Variants in E2F3 observed in about 807,000 individuals in gnomAD.
E2F3 encodes E2F transcription factor 3.
Under a neutral mutation model 44.4 loss-of-function variants are expected in E2F3, and 11 were observed. The observed-to-expected ratio is 0.25, with a 90% CI of 0.16 to 0.41. The LOEUF is 0.41. Ranked by LOEUF, E2F3 falls within the 10% of genes least tolerant of loss-of-function variation. E2F3 has a pLI of 1.00. For missense variants in E2F3, 487 were observed against 583.6 expected, an observed-to-expected ratio of 0.83 and a Z score of 1.70; for synonymous variants, 249 against 253.0, an observed-to-expected ratio of 0.98 and a Z score of 0.15.
intron 1 of E2F3, among the ~76,000 whole-genome samples, chr6:20,451,940 T>G (rs1761144915): frequency 6.6e-6 from 1 of 152,206 alleles, no homozygotes; most frequent in African/African-American, 2.4e-5. Flanking sequence ...CTTTTTGATG[T>G]GCTAGTGGGT....
chr6:20,437,011 T>C (rs993122079), intron 1 of E2F3, among the ~76,000 whole-genome samples: 2 of 151,988 alleles, frequency 1.3e-5, no homozygotes, highest in Non-Finnish European at 2.9e-5. Context: ...TCCCAGCTAT[T>C]TGGGAGGCTG....
chr6:20,464,061 G>A (rs915296549), intron 1 of E2F3, among the ~76,000 whole-genome samples: 1 of 152,216 alleles, frequency 6.6e-6, no homozygotes, highest in African/African-American at 2.4e-5. Flanking sequence ...TATGGGGGCA[G>A]GAGTGTGGAG....
chr6:20,441,209 T>C (rs1234200826), intron 1 of E2F3, among the ~76,000 whole-genome samples: 2 of 152,218 alleles, frequency 1.3e-5, no homozygotes, highest in African/African-American at 4.8e-5. Flanking sequence ...TTTCTGTCTG[T>C]ATGAACTTGA....
At chr6:20,413,389 C>G (rs1054413553) in intron 1 of E2F3, among the ~76,000 whole-genome samples, 7 of 152,176 alleles carry the variant, frequency 4.6e-5, no homozygotes, top group African/African-American at 1.7e-4. Context: ...CAGGAGCCTT[C>G]TGCCACATCC....
At chr6:20,489,464 G>A (rs756295430) in intron 6 of E2F3, among the ~76,000 whole-genome samples, 2 of 151,566 alleles carry the variant, frequency 1.3e-5, no homozygotes, top group South Asian at 2.1e-4. Flanking sequence ...ATAGCAAGAC[G>A]CCGTCTCTTA....
chr6:20,412,986 C>A (rs1014228928), intron 1 of E2F3, among the ~76,000 whole-genome samples: 1 of 152,186 alleles, frequency 6.6e-6, no homozygotes, highest in Non-Finnish European at 1.5e-5. Context: ...ACATAACAAC[C>A]TATGAAGTGG....
chr6:20,421,888 G>A (rs1186762994), intron 1 of E2F3: 2 of 152,244 alleles, frequency 1.3e-5, no homozygotes, highest in African/African-American at 2.4e-5. Flanking sequence ...CGCGCTCGGC[G>A]ATCTAGCATA....
rs539567274 is a variant in E2F3, at chr6:20,463,702, A to T, written c.394-16144A>T. On this transcript the variant is annotated intron_variant, in intron 1 of 6. Transcript: ENST00000346618. ...CTTCTGACACCAGATGTGCTGAGTC[A>T]GGGGGTACTTTCCCTAGACATCAAG... is the stretch of plus-strand genomic sequence containing the variant. 2.6e-5 allele frequency among the ~76,000 whole-genome samples: 4 copies of T among 152,312 alleles called. No individual in the cohort carries two copies. The South Asian group carries it at 8.3e-4, about 32-fold the overall frequency.
At chr6:20,434,501 A>G (rs905521439) in intron 1 of E2F3, among the ~76,000 whole-genome samples, 1 of 152,212 alleles carries the variant, frequency 6.6e-6, no homozygotes, top group Non-Finnish European at 1.5e-5. Flanking sequence ...AATACATCTC[A>G]GTTTCTTTTC....
intron 1 of E2F3, chr6:20,403,846 A>T: frequency 6.8e-7 from 1 of 1,465,982 alleles, no homozygotes. Flanking sequence ...AGTGACCGGG[A>T]CGGCTCGGGG....
intron 1 of E2F3, among the ~76,000 whole-genome samples, chr6:20,459,464 G>GTTTAAAAAGTATA: frequency 6.6e-6 from 1 of 152,232 alleles, no homozygotes; most frequent in East Asian, 1.9e-4. Context: ...ACTATATTAT[G>GTTTAAAAAGTATA]TTTAAAAAGT....
Position 20,481,300 on chromosome 6 carries a change from G to A in E2F3, c.600G>A (p.Gly200=). 2 of 1,614,018 alleles carry A rather than the reference G, an allele frequency of 1.2e-6. No homozygotes were observed. The highest frequency in any genetic ancestry group is 1.7e-6 in the Non-Finnish European group (2 of 1,179,996). ...AGCTCCTGAGCCAGTCACCCGATGG[G>A]GTATTGGATTTGAACAAGGCAGCAG... ...FIQLLSQSPD[G]VLDLNKAAEV... Residue 200 remains glycine, a synonymous_variant, in exon 3 of 7, where the codon GGG becomes GGA. Coordinates refer to ENST00000346618, the MANE Select transcript of E2F3 (RefSeq NM_001949.5).
At position 20,481,443 on chromosome 6, in the gene E2F3, C is replaced by G; in HGVS notation, c.725+18C>G. The stretch of plus-strand genomic sequence containing the variant: ...CAATGGATGTGAGTAGGAGTCCTCC[C>G]CATGCCCCGGCTCTGAGGGGGTCGT... On this transcript the variant is annotated intron_variant, in intron 3 of 6. Coordinates refer to ENST00000346618, the MANE Select transcript of E2F3 (RefSeq NM_001949.5). The G allele has an allele frequency of 6.2e-7, 1 of 1,611,868 alleles. No individual in the cohort carries two copies. The highest frequency in any genetic ancestry group is 1.1e-5 in the South Asian group (1 of 91,012).
Position 20,492,288 on chromosome 6 carries a change from G to A in E2F3, c.*1858G>A, listed in dbSNP as rs1762574822. On this transcript the variant is annotated 3_prime_UTR_variant, in exon 7 of 7. Transcript: ENST00000346618. ...ACTCTTTGTGTGGGTATGCGTGGGT[G>A]TATGTTTGGGAAGAAAAACAAAGGT... The A allele has an allele frequency of 4.3e-6, 1 of 232,370 alleles. No individual in the cohort carries two copies. The highest frequency in any genetic ancestry group is 8.5e-6 in the Non-Finnish European group (1 of 117,248). 14.4% of individuals were successfully genotyped at this position (232,370 alleles called of 1,614,324 possible). A position where few individuals can be genotyped will look rare whatever the true frequency, so the allele number is the denominator to read the frequency against.
chr6:20,414,471 C>T (rs1263117548), intron 1 of E2F3, among the ~76,000 whole-genome samples: 2 of 150,852 alleles, frequency 1.3e-5, no homozygotes. Flanking sequence ...TGATTTTTCT[C>T]ATTAAAAAAA....
At chr6:20,470,835 C>T (rs1391646069) in intron 1 of E2F3, among the ~76,000 whole-genome samples, 1 of 152,184 alleles carries the variant, frequency 6.6e-6, no homozygotes, top group Non-Finnish European at 1.5e-5. Flanking sequence ...TCCCTCCCCA[C>T]CACGAAGCTG....
intron 1 of E2F3, chr6:20,403,750 CGGCCCTCCG>C: frequency 1.4e-6 from 2 of 1,479,774 alleles, no homozygotes; most frequent in Non-Finnish European, 1.8e-6. Context: ...CCGGTCTGTT[CGGCCCTCCG>C]GGCCCCCTCT....
rs774738992 is a variant in E2F3, at chr6:20,482,756, T to G, written c.726-6T>G. 2 of 1,594,822 alleles carry G rather than the reference T, an allele frequency of 1.3e-6. No homozygotes were observed. Among genetic ancestry groups the G allele is most frequent in the Non-Finnish European group, 1.7e-6 (2 of 1,170,882 alleles). ...AGCCATGAAGAGTCTGTGTTTGGGT[T>G]TCTAGGGGCTGCAGTCTGTCTGAGG... On this transcript the variant is annotated splice_region_variant and splice_polypyrimidine_tract_variant and intron_variant, in intron 3 of 6. Transcript: ENST00000346618.
intron 1 of E2F3, chr6:20,421,703 G>A (rs1760032632): frequency 6.6e-6 from 1 of 152,242 alleles, no homozygotes; most frequent in Non-Finnish European, 1.5e-5. Context: ...ACCTGGGCTG[G>A]TTCACCCCTC....
Sources: gnomAD v4.1 joint callset for allele counts (sites outside exome capture counted in the v4.1 genomes callset) on GRCh38, gnomAD v4.1.1 for gene constraint, MANE v1.5 for transcripts, NCBI Gene and HGNC (gene_info 2026-07-23, HGNC 2026-07-21) for gene names.